Variants in MDN1 observed in about 807,000 individuals in gnomAD.
MDN1 encodes midasin.
MDN1 carries 266 observed loss-of-function variants against 669.2 expected under a neutral mutation model. The observed-to-expected ratio is 0.40, with a 90% CI of 0.36 to 0.44. MDN1 has a LOEUF of 0.44. Ranked by LOEUF, MDN1 falls within the 20% of genes least tolerant of loss-of-function variation. The pLI, the probability that MDN1 is intolerant of heterozygous loss-of-function variation, is 1.00. For missense variants in MDN1, 5,940 were observed against 6,754.0 expected (o/e 0.88, Z 4.22); for synonymous variants, 2,385 against 2,457.1 (o/e 0.97, Z 0.87).
Position 89,715,760 on chromosome 6 carries a change from C to T in MDN1, c.6753G>A (p.Val2251=), listed in dbSNP as rs756616088. ...CAAGCAAAGCATTCAAACGATCCAACACTGATGGGCTGCAGAGACAGAATT... is the reference window on the plus strand; with the variant it reads ...CAAGCAAAGCATTCAAACGATCCAATACTGATGGGCTGCAGAGACAGAATT... The part of the protein sequence containing the change: ...MDNVNFCNPS[V]LDRLNALLEP... The change falls in exon 45 of 102, where the codon GTG becomes GTA. Residue 2251 remains valine (V), a synonymous_variant. Coordinates refer to ENST00000369393, the MANE Select transcript of MDN1 (RefSeq NM_014611.3). The T allele has an allele frequency of 8.1e-6, 13 of 1,606,974 alleles. No homozygotes were observed. The highest frequency in any genetic ancestry group is 1.7e-5 in the Admixed American group (1 of 59,982).
chr6:89,730,811 C>T lies in MDN1; in HGVS notation c.5055G>A (p.Glu1685=), dbSNP rs1287364665. 6.2e-7 allele frequency: 1 copy of T among 1,614,052 alleles called. No homozygotes were observed. The highest frequency in any genetic ancestry group is 1.1e-5 in the South Asian group (1 of 91,078). The change falls in exon 35 of 102, where the codon GAG becomes GAA. Residue 1685 remains glutamate, a synonymous_variant. Coordinates refer to ENST00000369393, the MANE Select transcript of MDN1 (RefSeq NM_014611.3). The part of the protein sequence containing the change: ...IVRLTEYQKN[E]LKIYDRMKAK... ...CCTTCATTCTGTCATAAATCTTCAA[C>T]TCATTTTTCTGATATTCTGTAAGTC...
chr6:89,676,709 A>G (rs1811218630), intron 76 of MDN1, among the ~76,000 whole-genome samples: 1 of 152,190 alleles, frequency 6.6e-6, no homozygotes, highest in Non-Finnish European at 1.5e-5. Context: ...CTGAAAAAGA[A>G]TGCTTATGTA....
In MDN1 at chr6:89,678,719, G is replaced by A; in HGVS notation, c.12292C>T (p.Leu4098=). The A allele has an allele frequency of 6.2e-7, 1 of 1,613,252 alleles. No individual in the cohort carries two copies. Among genetic ancestry groups the A allele is most frequent in the Non-Finnish European group, 8.5e-7 (1 of 1,179,662 alleles). The stretch of plus-strand genomic sequence containing the variant: ...GAGGGTTCCACCTTTAAGCTCTGCA[G>A]CTCACTCACAGAGGAAATCACTTCA... The part of the protein sequence containing the change: ...TGEVISSVSE[L]QSLKVEPSAE... The change falls in exon 75 of 102, where the codon CTG becomes TTG. Residue 4098 remains leucine, a synonymous_variant. Transcript: ENST00000369393.
intron 18 of MDN1, 135 bp from the exon 19 acceptor site, chr6:89,758,486 A>G: frequency 1.4e-6 from 1 of 716,194 alleles, no homozygotes; most frequent in Non-Finnish European, 2.3e-6. Flanking sequence ...ATAACTTTCC[A>G]GACCTATGTA....
intron 50 of MDN1, among the ~76,000 whole-genome samples, chr6:89,709,603 C>A (rs1813746984): frequency 6.6e-6 from 1 of 152,170 alleles, no homozygotes; most frequent in South Asian, 2.1e-4. Context: ...ATCTTTAGTG[C>A]ACATAAAGGA....
chr6:89,699,069 C>A, intron 58 of MDN1, 34 bp from the exon 59 acceptor site: 1 of 1,543,124 alleles, frequency 6.5e-7, no homozygotes, highest in East Asian at 2.3e-5. Context: ...TAAGAGAATA[C>A]CTGAGAAAGA....
At chr6:89,808,758 A>T (rs1212674540) in intron 1 of MDN1, among the ~76,000 whole-genome samples, 1 of 152,132 alleles carries the variant, frequency 6.6e-6, no homozygotes, top group African/African-American at 2.4e-5. Flanking sequence ...AGACAGCTGG[A>T]ATCATTCTAG....
rs368275097 is a variant in MDN1 at position 89,803,278 on chromosome 6, C to G, written c.329+50G>C. 5.6e-4 allele frequency: 832 copies of G among 1,483,778 alleles called. 2 individuals carry two copies. In the African/African-American group the frequency reaches 0.01, roughly 19 times the overall value. 91.9% of individuals were successfully genotyped at this position (1,483,778 alleles called of 1,614,324 possible). ...GACTCCCTTACATCCCAGGAGACAG[C>G]AGGTTCTATCACCTCAAGGAGAAAT... On this transcript the variant is annotated intron_variant, in intron 2 of 101. Coordinates refer to ENST00000369393, the MANE Select transcript of MDN1 (RefSeq NM_014611.3).
At chr6:89,801,546 G>A (rs1427884134) in intron 2 of MDN1, among the ~76,000 whole-genome samples, 1 of 152,154 alleles carries the variant, frequency 6.6e-6, no homozygotes, top group Non-Finnish European at 1.5e-5. Flanking sequence ...AGCTACTTGG[G>A]GGGCTGAGGT....
At chr6:89,798,229 G>A (rs1486894563) in intron 2 of MDN1, among the ~76,000 whole-genome samples, 2 of 148,914 alleles carry the variant, frequency 1.3e-5, no homozygotes, top group Admixed American at 1.3e-4. Context: ...AAAAAGTGAA[G>A]TAGGCCAGGC....
At chr6:89,779,196 T>C (rs1453003924) in intron 11 of MDN1, among the ~76,000 whole-genome samples, 1 of 152,162 alleles carries the variant, frequency 6.6e-6, no homozygotes, top group Non-Finnish European at 1.5e-5. Flanking sequence ...TCATTTGAAA[T>C]GGCTGGTCTC....
intron 30 of MDN1, 145 bp downstream of exon 30, chr6:89,743,431 T>C: frequency 7.4e-7 from 1 of 1,345,678 alleles, no homozygotes. Flanking sequence ...CCAGAATGCT[T>C]GTGAAGGCCC....
intron 37 of MDN1, among the ~76,000 whole-genome samples, chr6:89,727,110 C>T (rs1225076207): frequency 5.3e-5 from 8 of 152,084 alleles, no homozygotes; most frequent in Non-Finnish European, 7.3e-5. Flanking sequence ...GAAAAAAATT[C>T]CCTCTCCTTG....
Position 89,761,685 on chromosome 6 carries a change from A to C in MDN1, c.2420T>G (p.Met807Arg). Reference protein sequence around the residue: ...GLRLNHAQQQMKMTENTLLFA... With the variant: ...GLRLNHAQQQRKMTENTLLFA... ...CAATAAGGTATTTTCAGTCATTTTC[A>C]TCTGTTGTTGGGCATGGTTGAGTCT... The change falls in exon 17 of 102, where the codon ATG becomes AGG. Residue 807 changes from methionine (M) to arginine (R), a missense_variant. Around this residue, in one of 5 missense-constraint regions of MDN1, gnomAD observed 1,203 missense variants for 1,268.9 expected, o/e 0.95. Coordinates refer to ENST00000369393, the MANE Select transcript of MDN1 (RefSeq NM_014611.3). The C allele has an allele frequency of 6.2e-7, 1 of 1,612,784 alleles. No individual in the cohort carries two copies.
intron 10 of MDN1, among the ~76,000 whole-genome samples, chr6:89,780,735 G>A (rs1197473823): frequency 2.1e-5 from 3 of 146,224 alleles, no homozygotes; most frequent in Non-Finnish European, 3.0e-5. Context: ...ACCTCCACCC[G>A]GGTTCAGGCA....
chr6:89,654,293 CAG>C lies in MDN1; in HGVS notation c.15530_15531del (p.Ser5177TrpfsTer46). The C allele has an allele frequency of 2.5e-6, 4 of 1,614,222 alleles. No individual in the cohort carries two copies. Among genetic ancestry groups the C allele is most frequent in the African/African-American group, 1.3e-5 (1 of 75,066 alleles). On this transcript the variant is annotated frameshift_variant, in exon 93 of 102. Coordinates refer to ENST00000369393, the MANE Select transcript of MDN1 (RefSeq NM_014611.3). LOFTEE classifies it high-confidence loss of function. The stretch of plus-strand genomic sequence containing the variant: ...ATCTCCTCCTCTTCCTGATCTTTGC[CAG>C]AGTCTTTTGCAGACTGTTGCTGTTC... ...SKEQQQSAKD[S>X]GKDQEEEEIE... is the part of the protein sequence containing the mutation.
rs35889414 is a variant in MDN1, at chr6:89,752,799, A to C, written c.3075+713T>G. On this transcript the variant is annotated intron_variant, in intron 22 of 101. Coordinates refer to ENST00000369393, the MANE Select transcript of MDN1 (RefSeq NM_014611.3). Reference sequence around the variant, plus strand: ...TGGTACAAAAACAAAAATATATCCAAGATTCAGATAGGTTAAAAAGGAAAG... The same window carrying C: ...TGGTACAAAAACAAAAATATATCCACGATTCAGATAGGTTAAAAAGGAAAG... Among the ~76,000 whole-genome samples, 684 of 152,304 alleles carry C rather than the reference A, an allele frequency of 4.5e-3. 15 individuals carry two copies. The highest frequency in any genetic ancestry group is 0.023 in the Admixed American group (349 of 15,296).
At position 89,688,090 on chromosome 6, in the gene MDN1, C is replaced by T. The variant is rs1812142026; in HGVS notation, c.11343G>A (p.Leu3781=). The T allele has an allele frequency of 6.2e-7, 1 of 1,613,788 alleles. No individual in the cohort carries two copies. Among genetic ancestry groups the T allele is most frequent in the Admixed American group, 1.7e-5 (1 of 60,002 alleles). Reference sequence around the variant, plus strand: ...GGTATTAGCTCACCTGTGCCTTTGCCAGAAGGATCTCTAAGCCATTCAGGA... The same window carrying T: ...GGTATTAGCTCACCTGTGCCTTTGCTAGAAGGATCTCTAAGCCATTCAGGA... ...SKFLNGLEIL[L]AKAQDWEENA... The change falls in exon 67 of 102, where the codon CTG becomes CTA. Residue 3781 remains leucine (L), a synonymous_variant. Coordinates refer to ENST00000369393, the MANE Select transcript of MDN1 (RefSeq NM_014611.3).
intron 9 of MDN1, 61 bp downstream of exon 9, chr6:89,784,951 C>A (rs1584367463): frequency 9.1e-7 from 1 of 1,096,958 alleles, no homozygotes; most frequent in Non-Finnish European, 1.4e-6. Flanking sequence ...TATACTATTT[C>A]CTATTTCACG....
Sources: gnomAD v4.1 joint callset for allele counts (sites outside exome capture counted in the v4.1 genomes callset) on GRCh38, gnomAD v4.1.1 for gene constraint, gnomAD v4.1.1 regional missense constraint, MANE v1.5 for transcripts, NCBI Gene and HGNC (gene_info 2026-07-23, HGNC 2026-07-21) for gene names.